RP1: variants seen among roughly 807,000 people sequenced by gnomAD.
The protein encoded by RP1 is RP1 axonemal microtubule associated.
Under a neutral mutation model 14.8 loss-of-function variants are expected in RP1, and 16 were observed. The observed-to-expected ratio is 1.08, with a 90% CI of 0.73 to 1.65. The LOEUF is 1.65. Among genes scored for constraint, RP1 ranks in the 40% most tolerant of loss-of-function variants. The probability of loss-of-function intolerance (pLI) is 0.00; values close to 1 mark genes in which losing one functional copy is unlikely to be tolerated. For synonymous variants in RP1, 876 were observed against 883.6 expected (o/e 0.99, Z 0.15); for missense variants, 2,631 against 2,535.0 (o/e 1.04, Z -0.81).
intron 24 of RP1, among the ~76,000 whole-genome samples, chr8:54,829,675 C>T (rs1242994046): frequency 6.6e-6 from 1 of 151,606 alleles, no homozygotes; most frequent in Non-Finnish European, 1.5e-5. Context: ...CAAAAAAATA[C>T]AGAAAGATCA....
At chr8:54,658,402 A>T (rs965058847) in intron 6 of RP1, among the ~76,000 whole-genome samples, 19 of 151,064 alleles carry the variant, frequency 1.3e-4, no homozygotes, top group Admixed American at 3.9e-4. Context: ...ATACAAAAAA[A>T]TAGCCGGGCG....
At chr8:54,660,206 T>G (rs1806855734) in intron 6 of RP1, among the ~76,000 whole-genome samples, 1 of 152,172 alleles carries the variant, frequency 6.6e-6, no homozygotes, top group Non-Finnish European at 1.5e-5. Context: ...CCTAGAACTT[T>G]CAGTCATATG....
At chr8:54,672,174 A>G (rs181934147) in intron 7 of RP1, among the ~76,000 whole-genome samples, 7 of 152,326 alleles carry the variant, frequency 4.6e-5, no homozygotes, top group South Asian at 2.1e-4. Context: ...TTGAAAAGAC[A>G]GGCTGCAGGG....
At chr8:54,606,150 C>A (rs1805436499) in intron 1 of RP1, among the ~76,000 whole-genome samples, 1 of 152,174 alleles carries the variant, frequency 6.6e-6, no homozygotes, top group South Asian at 2.1e-4. Context: ...ATGGTCCTTA[C>A]AATTTGGCAT....
Position 54,621,101 on chromosome 8 carries a change from C to T in RP1, c.135C>T (p.Asp45=), listed in dbSNP as rs771545857. Residue 45 remains aspartate (D), a synonymous_variant, in exon 2 of 4, where the codon GAC becomes GAT. Coordinates refer to ENST00000220676, the MANE Select transcript of RP1 (RefSeq NM_006269.2). ...AKRISFYKSG[D]PQFGGVRVVV... is the part of the protein sequence containing the mutation. ...GAATCAGTTTCTACAAGAGCGGAGA[C>T]CCCCAATTCGGCGGGGTCAGGGTGG... The T allele has an allele frequency of 1.5e-5, 24 of 1,614,038 alleles. No individual in the cohort carries two copies. The highest frequency in any genetic ancestry group is 2.2e-5 in the South Asian group (2 of 91,078).
At chr8:54,688,273 T>C (rs911261635) in intron 12 of RP1, among the ~76,000 whole-genome samples, 1 of 152,196 alleles carries the variant, frequency 6.6e-6, no homozygotes, top group Non-Finnish European at 1.5e-5. Flanking sequence ...GCCTGTTCAC[T>C]CTGATGATAG....
At chr8:54,798,170 C>G (rs138149863) in intron 24 of RP1, among the ~76,000 whole-genome samples, 1 of 152,016 alleles carries the variant, frequency 6.6e-6, no homozygotes, top group Non-Finnish European at 1.5e-5. Flanking sequence ...CGTGCCACCA[C>G]GCCCGGCTAA....
chr8:54,689,099 T>G (rs1807642709), intron 12 of RP1, among the ~76,000 whole-genome samples: 1 of 152,186 alleles, frequency 6.6e-6, no homozygotes, highest in South Asian at 2.1e-4. Flanking sequence ...TCACTCATGA[T>G]TTGGCTGTCT....
intron 24 of RP1, among the ~76,000 whole-genome samples, chr8:54,823,676 A>G (rs1007248577): frequency 6.6e-6 from 1 of 152,150 alleles, no homozygotes; most frequent in African/African-American, 2.4e-5. Context: ...GTATGGATGT[A>G]TGGCAGTTTG....
chr8:54,672,147 G>A (rs1807194247), intron 7 of RP1, among the ~76,000 whole-genome samples: 1 of 152,154 alleles, frequency 6.6e-6, no homozygotes. Context: ...TCTCTCTGCT[G>A]TACTGAAGAA....
rs1806094762 is a variant in RP1, at chr8:54,627,368, A to G, written c.3486A>G (p.Ala1162=). 2 of 1,614,044 alleles carry G rather than the reference A, an allele frequency of 1.2e-6. No individual in the cohort carries two copies. The highest frequency in any genetic ancestry group is 1.3e-5 in the African/African-American group (1 of 74,942). ...KATNKSSETL[A]LLEILKHIAI... is the part of the protein sequence containing the mutation. ...CCAACAAATCTTCAGAAACACTTGC[A>G]TTGTTGGAGATTCTAAAGCACATAG... The change falls in exon 4 of 4, where the codon GCA becomes GCG. Residue 1162 remains alanine (A), a synonymous_variant. Transcript: ENST00000220676.
intron 24 of RP1, among the ~76,000 whole-genome samples, chr8:54,805,699 A>G (rs1245325356): frequency 6.6e-6 from 1 of 151,308 alleles, no homozygotes; most frequent in Non-Finnish European, 1.5e-5. Context: ...TGGAGTGGAA[A>G]TGTTTTCCAT....
rs375562616 is a variant in RP1, at chr8:54,624,355, G to T, written c.788-315G>T. ...AGCTATTCGGGATGCTGAAGCAGGA[G>T]AATTGCTTGAACCCTGGAGGTGGAG... On this transcript the variant is annotated intron_variant, in intron 3 of 3. Transcript: ENST00000220676. Among the ~76,000 whole-genome samples the T allele has an allele frequency of 2.7e-4, 38 of 139,204 alleles. 1 individual carries two copies. In the South Asian group the frequency reaches 8.7e-3, roughly 32 times the overall value. The allele number at this position is 139,204 out of a possible 152,430, so 91.3% of individuals were successfully genotyped here. A position where few individuals can be genotyped will look rare whatever the true frequency, so the allele number is the denominator to read the frequency against.
At chr8:54,692,301 G>A (rs1219395881) in intron 12 of RP1, among the ~76,000 whole-genome samples, 3 of 148,062 alleles carry the variant, frequency 2.0e-5, no homozygotes, top group Admixed American at 6.8e-5. Context: ...CTTTATAGCA[G>A]CATGATTTAT....
intron 22 of RP1, among the ~76,000 whole-genome samples, chr8:54,765,942 C>T (rs1563370035): frequency 6.6e-6 from 1 of 151,956 alleles, no homozygotes; most frequent in Non-Finnish European, 1.5e-5. Context: ...CTTTATTTTC[C>T]AGTATGGCTT....
At chr8:54,780,660 T>A (rs190826340) in intron 23 of RP1, among the ~76,000 whole-genome samples, 1 of 152,312 alleles carries the variant, frequency 6.6e-6, no homozygotes, top group Non-Finnish European at 1.5e-5. Flanking sequence ...TTACATTGCA[T>A]TTATATAGTA....
chr8:54,816,838 C>A (rs1369030668), intron 24 of RP1, among the ~76,000 whole-genome samples: 1 of 152,126 alleles, frequency 6.6e-6, no homozygotes, highest in African/African-American at 2.4e-5. Flanking sequence ...CCCCCAGGTC[C>A]CAACAGCCCA....
At chr8:54,663,714 T>A in exon 7 of RP1, 1 of 1,528,144 alleles carries the variant, frequency 6.5e-7, no homozygotes, top group Non-Finnish European at 8.7e-7. Context: ...ATATATGAAG[T>A]GAATGTGGCA....
At chr8:54,672,777 CATATT>C (rs1807206474) in intron 7 of RP1, among the ~76,000 whole-genome samples, 2 of 152,044 alleles carry the variant, frequency 1.3e-5, no homozygotes, top group African/African-American at 2.4e-5. Flanking sequence ...GACATTTTAT[CATATT>C]ATATTTATCT....
Sources: gnomAD v4.1 joint callset for allele counts (sites outside exome capture counted in the v4.1 genomes callset) on GRCh38, gnomAD v4.1.1 for gene constraint, MANE v1.5 for transcripts, NCBI Gene and HGNC (gene_info 2026-07-23, HGNC 2026-07-21) for gene names.